Variants in LY96 observed in about 807,000 individuals in gnomAD.
LY96 encodes the protein myeloid differentiation protein-2.
In LY96, 18 loss-of-function variants were observed where a neutral mutation model predicts 18.9. The ratio of observed to expected loss-of-function variants is 0.95; its 90% CI spans 0.66 to 1.41. LY96 has a LOEUF of 1.41. Ranked by LOEUF, LY96 falls within the 40% of genes most tolerant of loss-of-function variation. LY96 has a pLI of 0.00. For synonymous variants in LY96, 66 were observed against 62.6 expected, an observed-to-expected ratio of 1.06 and a Z score of -0.26; for missense variants, 175 against 182.4, an observed-to-expected ratio of 0.96 and a Z score of 0.23.
chr8:74,004,839 A>T lies in LY96; in HGVS notation c.156A>T (p.Ile52=). 6.3e-7 allele frequency: 1 copy of T among 1,590,106 alleles called. No individual in the cohort carries two copies. Among genetic ancestry groups the T allele is most frequent in the Non-Finnish European group, 8.6e-7 (1 of 1,160,430 alleles). ...TTTCAATTAATGTTAACCCCTGTAT[A>T]GAATTGAAAAGATCCAAAGGATTAT... ...YPISINVNPC[I]ELKRSKGLLH... is the part of the protein sequence containing the mutation. Residue 52 remains isoleucine, a synonymous_variant, in exon 2 of 5, where the codon ATA becomes ATT. Transcript: ENST00000284818.
chr8:74,044,950 G>C, the LY96 span, among the ~76,000 whole-genome samples: 1 of 152,148 alleles, frequency 6.6e-6, no homozygotes, highest in Non-Finnish European at 1.5e-5. Flanking sequence ...TCTGATTTTT[G>C]ACTCACATTA....
At chr8:74,055,526 A>G in the LY96 span, among the ~76,000 whole-genome samples, 2 of 152,310 alleles carry the variant, frequency 1.3e-5, no homozygotes, top group African/African-American at 4.8e-5. Context: ...ATGTGACACA[A>G]ACACGAGACA....
chr8:74,056,805 T>C, the LY96 span, among the ~76,000 whole-genome samples: 1 of 152,112 alleles, frequency 6.6e-6, no homozygotes, highest in African/African-American at 2.4e-5. Context: ...CCCTAAGCCT[T>C]CCAGAGAAGA....
At chr8:74,016,585 G>A (rs1389338223) in intron 3 of LY96, among the ~76,000 whole-genome samples, 2 of 152,246 alleles carry the variant, frequency 1.3e-5, no homozygotes, top group South Asian at 2.1e-4. Flanking sequence ...CCCCTGTGTA[G>A]CCTAACTCGG....
At chr8:73,993,112 C>T (rs145982211) in intron 1 of LY96, among the ~76,000 whole-genome samples, 42 of 151,992 alleles carry the variant, frequency 2.8e-4, no homozygotes, top group African/African-American at 8.7e-4. Context: ...CTGCCCACCC[C>T]GGCCTCCCAA....
intron 3 of LY96, among the ~76,000 whole-genome samples, chr8:74,021,645 A>G (rs908130277): frequency 6.6e-5 from 10 of 152,238 alleles, no homozygotes; most frequent in Non-Finnish European, 1.3e-4. Context: ...AGCACTATTC[A>G]CAACAGCAAA....
At chr8:74,044,062 C>T in the LY96 span, among the ~76,000 whole-genome samples, 3 of 152,144 alleles carry the variant, frequency 2.0e-5, no homozygotes, top group African/African-American at 7.2e-5. Context: ...GCCACCAAGC[C>T]AGACCAGCGT....
chr8:74,053,056 G>A, the LY96 span, among the ~76,000 whole-genome samples: 18 of 152,028 alleles, frequency 1.2e-4, no homozygotes, highest in African/African-American at 3.1e-4. Flanking sequence ...CACATCCCAC[G>A]GCCCCTGAAA....
At chr8:74,037,972 G>A in the LY96 span, among the ~76,000 whole-genome samples, 20 of 151,986 alleles carry the variant, frequency 1.3e-4, no homozygotes, top group Non-Finnish European at 2.5e-4. Context: ...CAGTGCCTAG[G>A]GTCCTCAAAA....
the LY96 span, among the ~76,000 whole-genome samples, chr8:74,074,696 A>G: frequency 2.6e-5 from 4 of 151,976 alleles, no homozygotes; most frequent in African/African-American, 7.3e-5. Context: ...TTCTATTATC[A>G]TTTGTTTCAA....
At chr8:74,093,272 AT>A in the LY96 span, among the ~76,000 whole-genome samples, 1 of 152,314 alleles carries the variant, frequency 6.6e-6, no homozygotes, top group Admixed American at 6.5e-5. Context: ...TGCACTGTTC[AT>A]GTCATATTTG....
In LY96 at chr8:74,007,683, G is replaced by A. The variant is rs1328927398; in HGVS notation, c.203-2318G>A. Among the ~76,000 whole-genome samples, 3 of 152,148 alleles carry A rather than the reference G, an allele frequency of 2.0e-5. No homozygotes were observed. In the East Asian group the frequency reaches 5.8e-4, roughly 29 times the overall value. ...AACTGGAGCATAAGCTTCCTTCAAGGTTATTTCTGGAAGTTCCTGGAATTG... is the reference window on the plus strand; with the variant it reads ...AACTGGAGCATAAGCTTCCTTCAAGATTATTTCTGGAAGTTCCTGGAATTG... On this transcript the variant is annotated intron_variant, in intron 2 of 4. Coordinates refer to ENST00000284818, the MANE Select transcript of LY96 (RefSeq NM_015364.5).
chr8:74,097,996 A>G, the LY96 span, among the ~76,000 whole-genome samples: 1 of 152,182 alleles, frequency 6.6e-6, no homozygotes, highest in Admixed American at 6.5e-5. Context: ...ATTTTAGAGC[A>G]GGTATGGTTT....
the LY96 span, among the ~76,000 whole-genome samples, chr8:74,047,773 A>G: frequency 7.2e-5 from 11 of 152,230 alleles, no homozygotes; most frequent in Admixed American, 4.6e-4. Flanking sequence ...AGTATTATCC[A>G]AACCACAATG....
intron 3 of LY96, among the ~76,000 whole-genome samples, chr8:74,025,061 A>G (rs1056393635): frequency 2.0e-5 from 3 of 152,146 alleles, no homozygotes; most frequent in African/African-American, 7.2e-5. Flanking sequence ...TTCTGGGCTC[A>G]AGGGATCTAC....
the LY96 span, among the ~76,000 whole-genome samples, chr8:74,067,893 T>C: frequency 1.3e-5 from 2 of 151,604 alleles, no homozygotes; most frequent in South Asian, 2.1e-4. Context: ...AAACCACGAC[T>C]CTATTAAAAA....
the LY96 span, among the ~76,000 whole-genome samples, chr8:74,041,320 T>C: frequency 2.0e-5 from 3 of 152,206 alleles, no homozygotes; most frequent in Admixed American, 2.0e-4. Context: ...AGGACAACTA[T>C]TGTGTTAACT....
At chr8:74,063,005 G>A in the LY96 span, among the ~76,000 whole-genome samples, 1 of 152,138 alleles carries the variant, frequency 6.6e-6, no homozygotes, top group Non-Finnish European at 1.5e-5. Context: ...CAGAAATCTT[G>A]GAGTGTCTCA....
At chr8:74,005,046 A>G (rs1185366196) in intron 2 of LY96, among the ~76,000 whole-genome samples, 161 bp downstream of exon 2, 2 of 152,230 alleles carry the variant, frequency 1.3e-5, no homozygotes, top group Non-Finnish European at 2.9e-5. Context: ...TTATCTCATC[A>G]TCTTTGTTGA....
Sources: gnomAD v4.1 joint callset for allele counts (sites outside exome capture counted in the v4.1 genomes callset) on GRCh38, gnomAD v4.1.1 for gene constraint, MANE v1.5 for transcripts, NCBI Gene and HGNC (gene_info 2026-07-23, HGNC 2026-07-21) for gene names.